The following MIPEP variants were observed in gnomAD, a reference collection of about 807,000 sequenced individuals.
MIPEP encodes the protein mitochondrial intermediate peptidase.
In MIPEP, 79 loss-of-function variants were observed where a neutral mutation model predicts 90.3. That is an observed-to-expected ratio of 0.87 (90% confidence interval 0.73 to 1.05). The LOEUF (loss-of-function observed/expected upper bound fraction) is 1.05, where lower values mean the gene tolerates loss of function less well. Among genes scored for constraint, MIPEP ranks in the 50% least tolerant of loss-of-function variants. The pLI is 0.00. For synonymous variants in MIPEP, 334 were observed against 315.8 expected (o/e 1.06, Z -0.61); for missense variants, 940 against 905.6 (o/e 1.04, Z -0.49).
chr13:23,780,825 C>G (rs1424821377), intron 16 of MIPEP, among the ~76,000 whole-genome samples: 2 of 151,926 alleles, frequency 1.3e-5, no homozygotes, highest in African/African-American at 4.8e-5. Context: ...TTCAGTAGCC[C>G]ATTCGATCAA....
At chr13:23,846,817 T>A (rs553291645) in intron 10 of MIPEP, among the ~76,000 whole-genome samples, 1 of 68,056 alleles carries the variant, frequency 1.5e-5, no homozygotes, top group East Asian at 4.3e-4. Context: ...CAGAAAACTA[T>A]CACTACCAAA....
intron 7 of MIPEP, among the ~76,000 whole-genome samples, chr13:23,867,955 A>T (rs1371674563): frequency 2.0e-5 from 3 of 151,582 alleles, no homozygotes; most frequent in East Asian, 3.9e-4. Context: ...ATAAAATAAA[A>T]ATATGGTACT....
intron 4 of MIPEP, among the ~76,000 whole-genome samples, chr13:23,876,507 A>G (rs977060289): frequency 2.0e-5 from 3 of 152,186 alleles, no homozygotes; most frequent in African/African-American, 7.2e-5. Context: ...ACTGCTATCA[A>G]TTTAAGGGCC....
intron 16 of MIPEP, among the ~76,000 whole-genome samples, chr13:23,767,454 A>AT (rs1181049417): frequency 1.8e-5 from 2 of 112,436 alleles, no homozygotes; most frequent in African/African-American, 5.3e-5. Context: ...TATCTTTGTA[A>AT]ATTTTTTTTT....
chr13:23,849,105 T>G (rs911902059), intron 10 of MIPEP, among the ~76,000 whole-genome samples: 2 of 152,280 alleles, frequency 1.3e-5, no homozygotes, highest in African/African-American at 4.8e-5. Context: ...GCCAGGCTCA[T>G]CATGTGGCTC....
chr13:23,837,855 G>C, intron 12 of MIPEP, 99 bp from the exon 13 acceptor site: 1 of 829,304 alleles, frequency 1.2e-6, no homozygotes, highest in South Asian at 1.8e-5. Flanking sequence ...AAATGTGTGA[G>C]TGCAAACTTT....
intron 10 of MIPEP, among the ~76,000 whole-genome samples, chr13:23,857,063 T>C (rs1870075113): frequency 6.6e-6 from 1 of 152,074 alleles, no homozygotes; most frequent in Non-Finnish European, 1.5e-5. Flanking sequence ...ATGCTTTACA[T>C]AAACATGGAA....
At chr13:23,844,628 A>T (rs1365962240) in intron 10 of MIPEP, among the ~76,000 whole-genome samples, 7 of 152,330 alleles carry the variant, frequency 4.6e-5, no homozygotes, top group African/African-American at 1.7e-4. Flanking sequence ...ATAAAGGAGA[A>T]TAAAAAGAAA....
At chr13:23,780,998 G>A (rs1382780200) in intron 16 of MIPEP, among the ~76,000 whole-genome samples, 3 of 152,130 alleles carry the variant, frequency 2.0e-5, no homozygotes, top group Non-Finnish European at 2.9e-5. Flanking sequence ...TGAAAGTGAC[G>A]GGGAGAATGG....
chr13:23,860,207 G>A (rs183092036), intron 9 of MIPEP, among the ~76,000 whole-genome samples: 6 of 152,310 alleles, frequency 3.9e-5, no homozygotes, highest in East Asian at 1.9e-4. Context: ...AAATCACAGC[G>A]GAAGGTTAGG....
intron 18 of MIPEP, among the ~76,000 whole-genome samples, chr13:23,755,440 A>G (rs1211978251): frequency 6.6e-6 from 1 of 152,270 alleles, no homozygotes; most frequent in African/African-American, 2.4e-5. Flanking sequence ...CAACAGTCTT[A>G]GGCAAGGAGA....
Position 23,837,725 on chromosome 13 carries a change from A to G in MIPEP, c.1370T>C (p.Leu457Pro). 1 of 1,613,928 alleles carries G rather than the reference A, an allele frequency of 6.2e-7. No homozygotes were observed. The highest frequency in any genetic ancestry group is 8.5e-7 in the Non-Finnish European group (1 of 1,179,742). Residue 457 changes from leucine to proline, a missense_variant, in exon 13 of 19, where the codon CTA becomes CCA. Transcript: ENST00000382172. ...GAGTTGATAGTCTCCATCTTCCTTT[A>G]GTCTGCCTCCACGGATAGTGAAATG... The part of the protein sequence containing the change: ...DCHFTIRGGR[L>P]KEDGDYQLPV...
At chr13:23,742,061 G>A (rs771207678) in intron 18 of MIPEP, among the ~76,000 whole-genome samples, 3 of 152,188 alleles carry the variant, frequency 2.0e-5, no homozygotes, top group African/African-American at 7.2e-5. Flanking sequence ...GGTCAGCAGA[G>A]CAGCTATTCG....
intron 18 of MIPEP, among the ~76,000 whole-genome samples, chr13:23,741,565 A>G (rs1177100590): frequency 4.6e-5 from 7 of 152,192 alleles, no homozygotes; most frequent in Non-Finnish European, 8.8e-5. Flanking sequence ...AAACTAACAC[A>G]AGAACAGAAA....
At chr13:23,778,220 A>G (rs1398508243) in intron 16 of MIPEP, among the ~76,000 whole-genome samples, 1 of 152,148 alleles carries the variant, frequency 6.6e-6, no homozygotes, top group Non-Finnish European at 1.5e-5. Flanking sequence ...AAGCTTCCCC[A>G]AGACACAAAA....
intron 16 of MIPEP, among the ~76,000 whole-genome samples, chr13:23,770,813 T>C (rs1462214839): frequency 6.6e-6 from 1 of 152,212 alleles, no homozygotes; most frequent in African/African-American, 2.4e-5. Flanking sequence ...GTTTGTATTG[T>C]CCCTTTACAG....
At chr13:23,746,801 T>C (rs1467973435) in intron 18 of MIPEP, among the ~76,000 whole-genome samples, 2 of 152,134 alleles carry the variant, frequency 1.3e-5, no homozygotes, top group East Asian at 3.8e-4. Context: ...ATGGAATCAT[T>C]AGTATATTTT....
intron 16 of MIPEP, among the ~76,000 whole-genome samples, chr13:23,767,595 G>A (rs112294294): frequency 2.2e-4 from 33 of 152,084 alleles, no homozygotes; most frequent in African/African-American, 8.0e-4. Flanking sequence ...GGGACTACAG[G>A]CACGTGCCAC....
At chr13:23,814,302 G>C (rs919715278) in intron 14 of MIPEP, among the ~76,000 whole-genome samples, 3 of 152,162 alleles carry the variant, frequency 2.0e-5, no homozygotes, top group African/African-American at 7.2e-5. Context: ...TGTTGCCCAG[G>C]CTGGAGTGCA....
Sources: gnomAD v4.1 joint callset for allele counts (sites outside exome capture counted in the v4.1 genomes callset) on GRCh38, gnomAD v4.1.1 for gene constraint, MANE v1.5 for transcripts, NCBI Gene and HGNC (gene_info 2026-07-23, HGNC 2026-07-21) for gene names.